Variants in TTC27 observed in about 807,000 individuals in gnomAD.
The protein encoded by TTC27 is tetratricopeptide repeat domain 27.
A neutral mutation model predicts 115.9 loss-of-function variants in TTC27; 79 were observed. That is an observed-to-expected ratio of 0.68 (90% CI 0.57 to 0.82). The LOEUF (loss-of-function observed/expected upper bound fraction) is 0.82, where lower values mean the gene tolerates loss of function less well. Among genes scored for constraint, TTC27 ranks in the 40% least tolerant of loss-of-function variants. The pLI is 0.00. For missense variants in TTC27, 1,054 were observed against 993.1 expected (o/e 1.06, Z -0.82); for synonymous variants, 401 against 356.0 (o/e 1.13, Z -1.42).
intron 16 of TTC27, among the ~76,000 whole-genome samples, chr2:32,807,210 C>T (rs1671161188): frequency 2.0e-5 from 3 of 151,962 alleles, no homozygotes. Context: ...TTTATGTCTG[C>T]TTTTTCTCTG....
chr2:32,688,878 A>G (rs915703882), intron 9 of TTC27, among the ~76,000 whole-genome samples: 3 of 152,120 alleles, frequency 2.0e-5, no homozygotes, highest in African/African-American at 7.2e-5. Context: ...GCCATGAGAA[A>G]TGAAAGTATA....
chr2:32,762,461 T>C (rs17012214), intron 13 of TTC27, among the ~76,000 whole-genome samples: 18,542 of 152,062 alleles, frequency 0.12, 1,319 homozygotes, highest in African/African-American at 0.2. Context: ...TGGGTTTTTA[T>C]TTGACAGATA....
intron 10 of TTC27, among the ~76,000 whole-genome samples, chr2:32,719,824 C>T (rs1667865274): frequency 6.6e-6 from 1 of 152,074 alleles, no homozygotes; most frequent in Non-Finnish European, 1.5e-5. Flanking sequence ...ACCGGAAGCT[C>T]CCCTTGGTAT....
intron 10 of TTC27, among the ~76,000 whole-genome samples, chr2:32,714,810 T>G (rs556502894): frequency 1.6e-4 from 25 of 152,300 alleles, no homozygotes; most frequent in African/African-American, 6.0e-4. Flanking sequence ...CTCATTGTAG[T>G]TTTGATTTAT....
At chr2:32,680,414 C>G (rs988265309) in intron 9 of TTC27, among the ~76,000 whole-genome samples, 1 of 152,004 alleles carries the variant, frequency 6.6e-6, no homozygotes, top group African/African-American at 2.4e-5. Context: ...ATGTCAAATA[C>G]AGAGTAGACA....
chr2:32,802,658 G>A (rs990975839), intron 16 of TTC27, among the ~76,000 whole-genome samples: 3 of 152,008 alleles, frequency 2.0e-5, no homozygotes, highest in Non-Finnish European at 4.4e-5. Context: ...TTTCTTCTCC[G>A]TTGGCTTCCA....
Position 32,787,047 on chromosome 2 carries a change from G to C in TTC27, c.1896G>C (p.Trp632Cys), listed in dbSNP as rs1195804662. The change falls in exon 16 of 20, where the codon TGG (tryptophan) becomes TGC (cysteine). Residue 632 changes from tryptophan (W) to cysteine (C), a missense_variant. Physicochemically the swap from Trp to Cys is radical, Grantham distance 215. Transcript: ENST00000317907. ...LKCNYEHWQI[W>C]ENYILTSTDV... ...GTAACTATGAACACTGGCAGATTTG[G>C]GAAAACTACATCCTCACCAGCACTG... 1 of 1,614,068 alleles carries C rather than the reference G, an allele frequency of 6.2e-7. No individual in the cohort carries two copies. Among genetic ancestry groups the C allele is most frequent in the Non-Finnish European group, 8.5e-7 (1 of 1,179,988 alleles).
intron 12 of TTC27, among the ~76,000 whole-genome samples, chr2:32,751,269 C>CACACACAA (rs1553315216): frequency 2.7e-5 from 4 of 148,526 alleles, no homozygotes; most frequent in African/African-American, 1.0e-4. Flanking sequence ...CACACACACA[C>CACACACAA]ACACACACAC....
intron 15 of TTC27, among the ~76,000 whole-genome samples, chr2:32,784,808 A>T (rs768201082): frequency 6.6e-6 from 1 of 152,178 alleles, no homozygotes; most frequent in Non-Finnish European, 1.5e-5. Flanking sequence ...GTTCACCCCC[A>T]ACCCCTGTGG....
intron 9 of TTC27, among the ~76,000 whole-genome samples, chr2:32,686,722 A>G (rs1477908812): frequency 1.3e-5 from 2 of 152,144 alleles, no homozygotes; most frequent in Middle Eastern, 3.2e-3. Flanking sequence ...AACTGTGGGC[A>G]AGGTGCGAAA....
intron 17 of TTC27, among the ~76,000 whole-genome samples, chr2:32,811,569 T>G (rs1024143046): frequency 5.9e-5 from 9 of 152,240 alleles, no homozygotes; most frequent in African/African-American, 1.2e-4. Context: ...CTACAGTAGA[T>G]GGGTACAAGG....
chr2:32,778,734 A>G (rs1393267646), intron 14 of TTC27, among the ~76,000 whole-genome samples: 1 of 152,196 alleles, frequency 6.6e-6, no homozygotes, highest in Non-Finnish European at 1.5e-5. Context: ...TTATTTATCC[A>G]TTCATGAGTT....
chr2:32,737,577 T>G (rs1428847253), intron 12 of TTC27, among the ~76,000 whole-genome samples: 2 of 152,222 alleles, frequency 1.3e-5, no homozygotes, highest in African/African-American at 4.8e-5. Context: ...TTTTCTTAAA[T>G]ACCTTCCTAA....
intron 8 of TTC27, among the ~76,000 whole-genome samples, chr2:32,673,842 A>G (rs986860588): frequency 1.1e-4 from 16 of 152,026 alleles, no homozygotes; most frequent in African/African-American, 3.6e-4. Flanking sequence ...TAAAAATACA[A>G]AAATTAGCTG....
At chr2:32,755,086 T>C (rs1337516276) in intron 12 of TTC27, among the ~76,000 whole-genome samples, 1 of 151,792 alleles carries the variant, frequency 6.6e-6, no homozygotes, top group Non-Finnish European at 1.5e-5. Flanking sequence ...GAGACGCTCC[T>C]CACTTCCTAG....
chr2:32,628,776 T>G (rs1402716251), intron 1 of TTC27, among the ~76,000 whole-genome samples: 1 of 130,224 alleles, frequency 7.7e-6, no homozygotes. Context: ...TTTATTTATT[T>G]ATTGAGACGG....
At chr2:32,693,825 C>T (rs886233242) in intron 9 of TTC27, among the ~76,000 whole-genome samples, 9 of 152,260 alleles carry the variant, frequency 5.9e-5, no homozygotes, top group African/African-American at 1.2e-4. Flanking sequence ...AAAAATGGTA[C>T]GCTGGACCAT....
intron 7 of TTC27, among the ~76,000 whole-genome samples, chr2:32,671,207 G>GT (rs1028175911): frequency 2.0e-5 from 3 of 151,726 alleles, no homozygotes; most frequent in Admixed American, 6.6e-5. Context: ...TCTTCTAGAA[G>GT]TTTTTTTAGC....
chr2:32,681,075 C>G (rs1666407406), intron 9 of TTC27, among the ~76,000 whole-genome samples: 1 of 152,090 alleles, frequency 6.6e-6, no homozygotes, highest in African/African-American at 2.4e-5. Flanking sequence ...TTTCTGCTTT[C>G]CTCCCACCCT....
Sources: allele counts gnomAD v4.1 joint callset (sites outside exome capture counted in the v4.1 genomes callset), GRCh38; gene constraint gnomAD v4.1.1; transcripts MANE v1.5; gene names NCBI Gene and HGNC (gene_info 2026-07-23, HGNC 2026-07-21).